CCNY: variants seen among roughly 807,000 people sequenced by gnomAD.
CCNY encodes cyclin Y.
In CCNY, 19 loss-of-function variants were observed where a neutral mutation model predicts 42.8. That is an observed-to-expected ratio of 0.44 (90% confidence interval 0.31 to 0.65). The LOEUF (loss-of-function observed/expected upper bound fraction) is 0.65. Ranked by LOEUF, CCNY falls within the 30% of genes least tolerant of loss-of-function variation. The pLI is 0.07. For missense variants in CCNY, 370 were observed against 437.3 expected, an observed-to-expected ratio of 0.85 and a Z score of 1.37; for synonymous variants, 165 against 162.7, an observed-to-expected ratio of 1.01 and a Z score of -0.11.
At chr10:35,384,612 G>T (rs1162509082) in intron 1 of CCNY, among the ~76,000 whole-genome samples, 1 of 152,184 alleles carries the variant, frequency 6.6e-6, no homozygotes, top group Non-Finnish European at 1.5e-5. Context: ...CTTTCGAGTG[G>T]CCCTGCAGTG....
intron 7 of CCNY, among the ~76,000 whole-genome samples, chr10:35,539,883 T>C (rs1400409074): frequency 6.6e-6 from 1 of 152,260 alleles, no homozygotes; most frequent in Admixed American, 6.5e-5. Flanking sequence ...TGGTGGTTTA[T>C]TGCTAGACTA....
chr10:35,499,704 A>C (rs1166281061), intron 2 of CCNY, among the ~76,000 whole-genome samples: 1 of 152,056 alleles, frequency 6.6e-6, no homozygotes, highest in Non-Finnish European at 1.5e-5. Context: ...CACAGTTGGG[A>C]GACTTGTGTC....
At chr10:35,440,347 CTG>C (rs1564411789) in intron 1 of CCNY, among the ~76,000 whole-genome samples, 1 of 152,220 alleles carries the variant, frequency 6.6e-6, no homozygotes, top group Non-Finnish European at 1.5e-5. Flanking sequence ...CCTGGCCACT[CTG>C]GAGCAGAGGT....
intron 1 of CCNY, among the ~76,000 whole-genome samples, chr10:35,395,713 C>T (rs1240221274): frequency 2.0e-5 from 3 of 152,152 alleles, no homozygotes; most frequent in African/African-American, 4.8e-5. Flanking sequence ...CAGAGCAGTC[C>T]GACTAAAGTT....
rs891760060 is a variant in CCNY at position 35,506,407 on chromosome 10, C to T, written c.264+4872C>T. On this transcript the variant is annotated intron_variant, in intron 3 of 9. Transcript: ENST00000374704. ...ATTTTCTCTCTTCTTTTTGTTTTTT[C>T]TTCTTCTTTTTGCGGAATGTCTAGA... Among the ~76,000 whole-genome samples the T allele has an allele frequency of 4.6e-5, 7 of 151,452 alleles. 1 individual carries two copies. The highest frequency in any genetic ancestry group is 7.4e-5 in the Non-Finnish European group (5 of 67,698).
intron 3 of CCNY, among the ~76,000 whole-genome samples, chr10:35,264,908 C>A (rs1415424483): frequency 1.3e-5 from 2 of 152,080 alleles, no homozygotes; most frequent in African/African-American, 4.8e-5. Flanking sequence ...GGATTACAGG[C>A]CTGAGCCACC....
At chr10:35,432,091 G>A (rs1295558041) in intron 1 of CCNY, among the ~76,000 whole-genome samples, 2 of 152,200 alleles carry the variant, frequency 1.3e-5, no homozygotes, top group Non-Finnish European at 2.9e-5. Flanking sequence ...AACTTAAATA[G>A]TTGATTCATG....
intron 3 of CCNY, among the ~76,000 whole-genome samples, chr10:35,328,421 T>G (rs1326643857): frequency 6.6e-6 from 1 of 152,222 alleles, no homozygotes; most frequent in Non-Finnish European, 1.5e-5. Flanking sequence ...TTGTTTTTCC[T>G]GGCATTTATC....
intron 2 of CCNY, among the ~76,000 whole-genome samples, chr10:35,499,013 C>T (rs538102729): frequency 6.6e-5 from 10 of 152,304 alleles, no homozygotes; most frequent in South Asian, 6.2e-4. Flanking sequence ...ATTCTGATTG[C>T]AGCCAGTTGG....
chr10:35,569,226 A>G lies in CCNY; in HGVS notation c.*56A>G. The G allele has an allele frequency of 9.2e-7, 1 of 1,085,152 alleles. No individual in the cohort carries two copies. 67.2% of individuals were successfully genotyped at this position (1,085,152 alleles called of 1,614,324 possible). A position where few individuals can be genotyped will look rare whatever the true frequency, so the allele number is the denominator to read the frequency against. ...CCTTAGTTTCTCCTTTAGTTTGAGA[A>G]AAGACAGACTTGGGGTGGGTTTGTT... On this transcript the variant is annotated 3_prime_UTR_variant, in exon 10 of 10. Transcript: ENST00000374704.
intron 2 of CCNY, among the ~76,000 whole-genome samples, chr10:35,485,126 G>A (rs1839756265): frequency 6.6e-6 from 1 of 152,186 alleles, no homozygotes; most frequent in South Asian, 2.1e-4. Context: ...ATAGAAAAAG[G>A]GAAAGTAACC....
chr10:35,260,061 C>T (rs1204997133), intron 3 of CCNY, among the ~76,000 whole-genome samples: 4 of 152,014 alleles, frequency 2.6e-5, no homozygotes, highest in Non-Finnish European at 4.4e-5. Flanking sequence ...AGAATTTGAT[C>T]CTGTTCATGC....
At chr10:35,352,617 T>C (rs1324380792) in intron 1 of CCNY, among the ~76,000 whole-genome samples, 1 of 152,222 alleles carries the variant, frequency 6.6e-6, no homozygotes, top group Non-Finnish European at 1.5e-5. Flanking sequence ...GCCTCCCTGC[T>C]GGATGCTGGG....
At chr10:35,465,938 A>AGAGT in intron 1 of CCNY, among the ~76,000 whole-genome samples, 15 of 81,030 alleles carry the variant, frequency 1.9e-4, no homozygotes, top group African/African-American at 5.7e-4. Flanking sequence ...AGAGAGAGAG[A>AGAGT]GTGTGTGTGT....
At chr10:35,325,762 G>A (rs968826751) in intron 3 of CCNY, among the ~76,000 whole-genome samples, 8 of 152,256 alleles carry the variant, frequency 5.3e-5, no homozygotes, top group Admixed American at 2.0e-4. Context: ...GAGTCACTGC[G>A]CTTGGCCCCC....
chr10:35,338,359 G>T (rs966090284), intron 1 of CCNY, among the ~76,000 whole-genome samples: 1 of 152,204 alleles, frequency 6.6e-6, no homozygotes, highest in Non-Finnish European at 1.5e-5. Context: ...TTAAATGAGT[G>T]CCATGTATAA....
chr10:35,394,972 TC>T, intron 1 of CCNY: 1 of 367,230 alleles, frequency 2.7e-6, no homozygotes, highest in Non-Finnish European at 3.8e-6. Context: ...CACATATTCT[TC>T]CCACCCTCCC....
intron 1 of CCNY, among the ~76,000 whole-genome samples, chr10:35,381,922 C>T (rs1031508540): frequency 2.0e-5 from 3 of 151,868 alleles, no homozygotes; most frequent in African/African-American, 7.3e-5. Context: ...TTGGTAAGTG[C>T]AAAAATAATA....
intron 3 of CCNY, among the ~76,000 whole-genome samples, chr10:35,263,666 T>C (rs1243714050): frequency 1.3e-5 from 2 of 152,194 alleles, no homozygotes; most frequent in Admixed American, 1.3e-4. Flanking sequence ...TTAAATTATT[T>C]ATATGTATAT....
Sources: allele counts gnomAD v4.1 joint callset (sites outside exome capture counted in the v4.1 genomes callset), GRCh38; gene constraint gnomAD v4.1.1; transcripts MANE v1.5; gene names NCBI Gene and HGNC (gene_info 2026-07-23, HGNC 2026-07-21).